The following WWP2 variants were observed in gnomAD, a reference collection of about 807,000 sequenced individuals.
WWP2 encodes NEDD4-like E3 ubiquitin-protein ligase WWP2.
Under a neutral mutation model 121.0 loss-of-function variants are expected in WWP2, and 57 were observed. That is an observed-to-expected ratio of 0.47 (90% CI 0.38 to 0.59). WWP2 has a LOEUF of 0.59. Among genes scored for constraint, WWP2 ranks in the 20% least tolerant of loss-of-function variants. The probability of loss-of-function intolerance (pLI) is 0.00; values close to 1 mark genes in which losing one functional copy is unlikely to be tolerated. For synonymous variants in WWP2, 449 were observed against 441.3 expected (o/e 1.02, Z -0.22); for missense variants, 962 against 1,158.9 (o/e 0.83, Z 2.47).
intron 2 of WWP2, among the ~76,000 whole-genome samples, chr16:69,797,409 T>C (rs2056069638): frequency 6.6e-6 from 1 of 152,128 alleles, no homozygotes; most frequent in African/African-American, 2.4e-5. Context: ...GCTCCCTGGC[T>C]ATGTAGAGTG....
Position 69,931,899 on chromosome 16 carries a change from G to A in WWP2, c.1682+9G>A. Reference sequence around the variant, plus strand: ...TATGGGGGCATCGCCAGGTGAGCTTGAGTGCCCCGGAAGGCTGCCCTGTAC... The same window carrying A: ...TATGGGGGCATCGCCAGGTGAGCTTAAGTGCCCCGGAAGGCTGCCCTGTAC... On this transcript the variant is annotated intron_variant, in intron 16 of 23. Coordinates refer to ENST00000359154, the MANE Select transcript of WWP2 (RefSeq NM_001270454.2). 6.2e-7 allele frequency: 1 copy of A among 1,611,238 alleles called. No individual in the cohort carries two copies. The highest frequency in any genetic ancestry group is 8.5e-7 in the Non-Finnish European group (1 of 1,179,104).
intron 7 of WWP2, among the ~76,000 whole-genome samples, chr16:69,884,017 A>G (rs539584520): frequency 6.6e-6 from 1 of 152,242 alleles, no homozygotes; most frequent in Non-Finnish European, 1.5e-5. Flanking sequence ...CTTAGACAGT[A>G]TAAAGAATGT....
At chr16:69,918,446 T>C (rs181704397) in intron 10 of WWP2, among the ~76,000 whole-genome samples, 2 of 152,340 alleles carry the variant, frequency 1.3e-5, no homozygotes, top group Admixed American at 1.3e-4. Flanking sequence ...TAAAGTTTCA[T>C]TGAAACATAA....
At position 69,939,331 on chromosome 16, in the gene WWP2, T is replaced by G. The variant is rs1396664713; in HGVS notation, c.2441-10T>G. 1 of 1,614,154 alleles carries G rather than the reference T, an allele frequency of 6.2e-7. No homozygotes were observed. Among genetic ancestry groups the G allele is most frequent in the South Asian group, 1.1e-5 (1 of 91,082 alleles). The stretch of plus-strand genomic sequence containing the variant: ...CTGCTGACGTCGGCGTGTTTTACCT[T>G]GGATCACAGGTAGCAACGGACCACA... On this transcript the variant is annotated splice_polypyrimidine_tract_variant and intron_variant, in intron 22 of 23. Transcript: ENST00000359154.
chr16:69,790,585 T>G (rs1019700212), intron 2 of WWP2, among the ~76,000 whole-genome samples: 4 of 151,864 alleles, frequency 2.6e-5, no homozygotes, highest in Non-Finnish European at 5.9e-5. Context: ...TTTTTTTTTG[T>G]TTGTTTTTGA....
intron 5 of WWP2, 113 bp downstream of exon 5, chr16:69,840,376 C>T (rs2056955547): frequency 7.0e-7 from 1 of 1,433,424 alleles, no homozygotes; most frequent in Admixed American, 1.9e-5. Context: ...GATTCCCACT[C>T]AGCCTGGCCC....
chr16:69,893,858 C>T (rs560907071), intron 8 of WWP2, among the ~76,000 whole-genome samples: 1 of 152,046 alleles, frequency 6.6e-6, no homozygotes, highest in East Asian at 2.0e-4. Context: ...GAATGCTCTT[C>T]TCTGTTCATA....
rs759955815 is a variant in WWP2 at position 69,839,910 on chromosome 16, A to C, written c.341-216A>C. On this transcript the variant is annotated intron_variant, in intron 4 of 23. Transcript: ENST00000359154. Reference sequence around the variant, plus strand: ...GACCCAGTGATATGAAATGTTTAGAAAGAGTGCAGCTTCCCCTCCAGCCTG... The same window carrying C: ...GACCCAGTGATATGAAATGTTTAGACAGAGTGCAGCTTCCCCTCCAGCCTG... Among the ~76,000 whole-genome samples, 70 of 152,364 alleles carry C rather than the reference A, an allele frequency of 4.6e-4. 1 individual carries two copies. The highest frequency in any genetic ancestry group is 9.6e-4 in the Non-Finnish European group (65 of 68,042).
chr16:69,812,025 A>T (rs1020255684), intron 4 of WWP2, among the ~76,000 whole-genome samples: 18 of 152,282 alleles, frequency 1.2e-4, no homozygotes, highest in Middle Eastern at 3.4e-3. Context: ...CAGATTTCCC[A>T]GCTGTCACAG....
chr16:69,818,558 T>C (rs1339413540), intron 4 of WWP2, among the ~76,000 whole-genome samples: 1 of 152,166 alleles, frequency 6.6e-6, no homozygotes, highest in Non-Finnish European at 1.5e-5. Context: ...CTCTGCTGCA[T>C]TTGCTTGTCC....
At chr16:69,773,490 T>C (rs917248862) in intron 1 of WWP2, among the ~76,000 whole-genome samples, 2 of 151,706 alleles carry the variant, frequency 1.3e-5, no homozygotes, top group Non-Finnish European at 2.9e-5. Context: ...CCTTTTCTTT[T>C]TTTTCTTTTG....
intron 4 of WWP2, among the ~76,000 whole-genome samples, chr16:69,813,094 A>G (rs1425385632): frequency 1.3e-5 from 2 of 151,258 alleles, no homozygotes. Context: ...GTGTGTAGGT[A>G]TGTATTATCA....
In WWP2 at chr16:69,888,767, C is replaced by T. The variant is rs182721546; in HGVS notation, c.914+518C>T. On this transcript the variant is annotated intron_variant, in intron 8 of 23. Coordinates refer to ENST00000359154, the MANE Select transcript of WWP2 (RefSeq NM_001270454.2). ...TCACCCAGGCTGGAGTGCAATGGCA[C>T]GATCTCAGCTCACTGCAACCTCTGC... is the stretch of plus-strand genomic sequence containing the variant. 7.2e-4 allele frequency among the ~76,000 whole-genome samples: 110 copies of T among 151,858 alleles called. 1 individual carries two copies. The highest frequency in any genetic ancestry group is 2.6e-3 in the African/African-American group (107 of 41,412).
chr16:69,845,590 T>A (rs2057057914), intron 6 of WWP2, among the ~76,000 whole-genome samples: 1 of 152,078 alleles, frequency 6.6e-6, no homozygotes, highest in African/African-American at 2.4e-5. Flanking sequence ...AGCAACCCTT[T>A]CCTCTCCTTC....
intron 8 of WWP2, among the ~76,000 whole-genome samples, chr16:69,900,476 G>A (rs1260057472): frequency 6.6e-6 from 1 of 151,910 alleles, no homozygotes; most frequent in African/African-American, 2.4e-5. Context: ...TTTTAAAAAA[G>A]ATAATTAAAA....
chr16:69,837,765 G>A (rs1490449375), intron 4 of WWP2, among the ~76,000 whole-genome samples: 2 of 152,210 alleles, frequency 1.3e-5, no homozygotes, highest in Non-Finnish European at 2.9e-5. Context: ...AGCGGTGTGT[G>A]TCCTGGAGCC....
intron 6 of WWP2, among the ~76,000 whole-genome samples, chr16:69,848,750 G>A (rs142180467): frequency 1.3e-5 from 2 of 151,918 alleles, no homozygotes; most frequent in Admixed American, 6.6e-5. Context: ...GCATGTGAAC[G>A]CACATGAGAG....
chr16:69,923,408 A>C (rs1452732220), intron 10 of WWP2, among the ~76,000 whole-genome samples: 1 of 113,124 alleles, frequency 8.8e-6, no homozygotes, highest in Non-Finnish European at 1.9e-5. Flanking sequence ...CCAACATTGC[A>C]TGAAGGCTGA....
intron 4 of WWP2, among the ~76,000 whole-genome samples, chr16:69,821,595 G>C (rs72783195): frequency 0.051 from 7,802 of 152,278 alleles, 270 homozygotes; most frequent in Middle Eastern, 0.11. Flanking sequence ...GGGTGATTCT[G>C]CTCCAAATGC....
Sources: gnomAD v4.1 joint callset for allele counts (sites outside exome capture counted in the v4.1 genomes callset) on GRCh38, gnomAD v4.1.1 for gene constraint, MANE v1.5 for transcripts, NCBI Gene and HGNC (gene_info 2026-07-23, HGNC 2026-07-21) for gene names.